The following RBFOX1 variants were observed in gnomAD, a reference collection of about 807,000 sequenced individuals.
The protein encoded by RBFOX1 is RNA binding fox-1 homolog 1, also known as RNA binding protein fox-1 homolog 1.
Under a neutral mutation model 57.7 loss-of-function variants are expected in RBFOX1, and 8 were observed. The ratio of observed to expected loss-of-function variants is 0.14; its 90% confidence interval spans 0.08 to 0.25. The LOEUF (loss-of-function observed/expected upper bound fraction) is 0.25, where lower values mean the gene tolerates loss of function less well. Ranked by LOEUF, RBFOX1 falls within the 10% of genes least tolerant of loss-of-function variation. RBFOX1 has a pLI of 1.00. For missense variants in RBFOX1, 611 were observed against 548.5 expected (o/e 1.11, Z -1.14); for synonymous variants, 326 against 222.4 (o/e 1.47, Z -4.15).
chr16:6,789,945 CTT>C (rs1179616915), intron 3 of RBFOX1, among the ~76,000 whole-genome samples: 1 of 151,624 alleles, frequency 6.6e-6, no homozygotes, highest in Non-Finnish European at 1.5e-5. Flanking sequence ...TCTTCCCTAA[CTT>C]ATTGATTTCT....
chr16:5,287,531 G>A (rs1392833378), intron 1 of RBFOX1, among the ~76,000 whole-genome samples: 2 of 152,182 alleles, frequency 1.3e-5, no homozygotes, highest in Non-Finnish European at 2.9e-5. Flanking sequence ...TGCATAACAA[G>A]TCACTCCAAA....
intron 3 of RBFOX1, among the ~76,000 whole-genome samples, chr16:6,946,324 A>G (rs189851191): frequency 6.6e-6 from 1 of 152,328 alleles, no homozygotes; most frequent in East Asian, 1.9e-4. Flanking sequence ...TTTATTTACA[A>G]AAATAGTCAG....
At chr16:6,521,110 G>T (rs2096489271) in intron 2 of RBFOX1, among the ~76,000 whole-genome samples, 3 of 152,150 alleles carry the variant, frequency 2.0e-5, no homozygotes, top group Admixed American at 2.0e-4. Flanking sequence ...CAGGTGGGAA[G>T]CAGGCTTACT....
intron 4 of RBFOX1, among the ~76,000 whole-genome samples, chr16:7,357,557 T>C (rs74993834): frequency 0.016 from 2,417 of 152,278 alleles, 24 homozygotes; most frequent in Middle Eastern, 0.037. Flanking sequence ...TACTTACCCA[T>C]CTTGTTTTGC....
intron 1 of RBFOX1, among the ~76,000 whole-genome samples, chr16:5,368,370 C>T (rs1224410749): frequency 1.3e-5 from 2 of 152,198 alleles, no homozygotes; most frequent in Non-Finnish European, 2.9e-5. Flanking sequence ...GAGAATTGCT[C>T]TGCAATGTCG....
rs1600133014 is a variant in RBFOX1, at chr16:6,568,520, C to T, written c.-63-86083C>T. On this transcript the variant is annotated intron_variant, in intron 2 of 15. Transcript: ENST00000550418. ...CCAACCTCAGAGTGACATACCATCACTTCTGCCATGTTCCATTGGAACTCT... is the reference window on the plus strand; with the variant it reads ...CCAACCTCAGAGTGACATACCATCATTTCTGCCATGTTCCATTGGAACTCT... 1.3e-5 allele frequency among the ~76,000 whole-genome samples: 2 copies of T among 152,160 alleles called. 1 individual carries two copies. The highest frequency in any genetic ancestry group is 4.1e-4 in the South Asian group (2 of 4,828).
chr16:7,056,736 G>C (rs181765188), intron 4 of RBFOX1, among the ~76,000 whole-genome samples: 1 of 152,210 alleles, frequency 6.6e-6, no homozygotes, highest in East Asian at 1.9e-4. Context: ...GGTAGATGTT[G>C]GTTTGGGGGC....
chr16:6,487,723 ATATATATATATATATATATATATATAT>A (rs1323070766), intron 2 of RBFOX1, among the ~76,000 whole-genome samples: 321 of 25,360 alleles, frequency 0.013, 20 homozygotes, highest in African/African-American at 0.029. Flanking sequence ...ATATATATAT[ATATATATATATATATATATATATATAT>A]ATATAAAATA....
intron 2 of RBFOX1, among the ~76,000 whole-genome samples, chr16:6,609,924 C>T (rs1236220836): frequency 6.6e-6 from 1 of 152,042 alleles, no homozygotes; most frequent in African/African-American, 2.4e-5. Context: ...ACGAGACTTG[C>T]TTGAACCCAG....
At chr16:6,819,686 C>G (rs1161239341) in intron 3 of RBFOX1, among the ~76,000 whole-genome samples, 1 of 59,982 alleles carries the variant, frequency 1.7e-5, no homozygotes, top group Non-Finnish European at 3.0e-5. Context: ...GCCTGGGCAA[C>G]AAGAGTGAAA....
intron 2 of RBFOX1, among the ~76,000 whole-genome samples, chr16:6,474,824 A>G (rs1300465774): frequency 6.6e-6 from 1 of 152,194 alleles, no homozygotes; most frequent in African/African-American, 2.4e-5. Context: ...TTTTTGACTC[A>G]TCGGTTTCAC....
rs1348464545 is a variant in RBFOX1 at position 7,407,149 on chromosome 16, G to A, written c.28-110998G>A. 2.0e-5 allele frequency among the ~76,000 whole-genome samples: 3 copies of A among 152,100 alleles called. No homozygotes were observed. The South Asian group carries it at 6.2e-4, about 32-fold the overall frequency. Reference sequence around the variant, plus strand: ...CTTTAGTGGTGATTTGTGCGATTTTGGTGTGCCCATCACCAGAGCAGTATA... The same window carrying A: ...CTTTAGTGGTGATTTGTGCGATTTTAGTGTGCCCATCACCAGAGCAGTATA... On this transcript the variant is annotated intron_variant, in intron 4 of 15. Coordinates refer to ENST00000550418, the MANE Select transcript of RBFOX1 (RefSeq NM_018723.4).
chr16:7,141,255 GAGTTA>G (rs1186745185), intron 4 of RBFOX1, among the ~76,000 whole-genome samples: 1 of 152,100 alleles, frequency 6.6e-6, no homozygotes, highest in Non-Finnish European at 1.5e-5. Flanking sequence ...GCCCTTCAAG[GAGTTA>G]AGTTCAGGGC....
intron 2 of RBFOX1, among the ~76,000 whole-genome samples, chr16:6,445,107 C>T (rs2094458423): frequency 6.6e-6 from 1 of 151,968 alleles, no homozygotes; most frequent in Admixed American, 6.6e-5. Context: ...GAGAGTAATG[C>T]AGAATGACTT....
intron 4 of RBFOX1, among the ~76,000 whole-genome samples, chr16:7,127,165 A>C (rs1326927033): frequency 6.6e-6 from 1 of 152,298 alleles, no homozygotes; most frequent in Middle Eastern, 3.4e-3. Flanking sequence ...TTATAATTTC[A>C]GAGAAAGAAA....
At chr16:7,648,653 T>A (rs550423120) in intron 11 of RBFOX1, among the ~76,000 whole-genome samples, 43 of 152,324 alleles carry the variant, frequency 2.8e-4, no homozygotes, top group African/African-American at 1.0e-3. Flanking sequence ...TCAGGGACTG[T>A]TGTTGCTGGG....
chr16:6,804,885 C>T (rs998923942), intron 3 of RBFOX1, among the ~76,000 whole-genome samples: 3 of 152,038 alleles, frequency 2.0e-5, no homozygotes, highest in African/African-American at 7.2e-5. Flanking sequence ...GCCATGTGTC[C>T]CAAACATTAA....
chr16:7,661,165 C>T lies in RBFOX1; in HGVS notation c.891-3764C>T, dbSNP rs550103196. The stretch of plus-strand genomic sequence containing the variant: ...CATTACATGGCTTTATTTCACACTG[C>T]CGGTGAGGATGGCTACATTGCTTCC... On this transcript the variant is annotated intron_variant, in intron 12 of 15. Coordinates refer to ENST00000550418, the MANE Select transcript of RBFOX1 (RefSeq NM_018723.4). 6.6e-5 allele frequency among the ~76,000 whole-genome samples: 10 copies of T among 152,246 alleles called. No homozygotes were observed. The East Asian group carries it at 1.9e-3, about 29-fold the overall frequency.
intron 3 of RBFOX1, among the ~76,000 whole-genome samples, chr16:5,763,421 G>T (rs1188175413): frequency 6.6e-6 from 1 of 152,208 alleles, no homozygotes; most frequent in African/African-American, 2.4e-5. Flanking sequence ...TGTGCAGACA[G>T]CCTGCGCCCA....
Sources: allele counts gnomAD v4.1 joint callset (sites outside exome capture counted in the v4.1 genomes callset), GRCh38; gene constraint gnomAD v4.1.1; transcripts MANE v1.5; gene names NCBI Gene and HGNC (gene_info 2026-07-23, HGNC 2026-07-21).